The following YIF1B variants were observed in gnomAD, a reference collection of about 807,000 sequenced individuals.
The protein encoded by YIF1B is Yip1 interacting factor homolog B, membrane trafficking protein.
Under a neutral mutation model 34.6 loss-of-function variants are expected in YIF1B, and 24 were observed. The ratio of observed to expected loss-of-function variants is 0.69; its 90% CI spans 0.50 to 0.98. The LOEUF (loss-of-function observed/expected upper bound fraction) is 0.98. YIF1B is among the 50% of genes least tolerant of loss of function. The pLI is 0.00. For synonymous variants in YIF1B, 186 were observed against 184.8 expected (o/e 1.01, Z -0.05); for missense variants, 368 against 429.4 (o/e 0.86, Z 1.26).
In YIF1B at chr19:38,307,739, G is replaced by A; in HGVS notation, c.553C>T (p.Leu185Phe). 2 of 1,612,822 alleles carry A rather than the reference G, an allele frequency of 1.2e-6. No individual in the cohort carries two copies. Among genetic ancestry groups the A allele is most frequent in the Non-Finnish European group, 1.7e-6 (2 of 1,179,878 alleles). ...GCTGAGCTCGCTTGCAGCCCCAGGA[G>A]GTCTGGGGAGAACCTGCAGGCACAA... ...LGTQDRFSPDLLGLQASSALA... is the reference protein window; with the variant it reads ...LGTQDRFSPDFLGLQASSALA... Residue 185 changes from leucine (L) to phenylalanine (F), a missense_variant, in exon 6 of 8, where the codon CTC (leucine) becomes TTC (phenylalanine). Physicochemically the swap from Leu to Phe is conservative, Grantham distance 22. Coordinates refer to ENST00000339413, the MANE Select transcript of YIF1B (RefSeq NM_001039672.3).
intron 1 of YIF1B, among the ~76,000 whole-genome samples, chr19:38,311,472 A>G (rs1969324581): frequency 6.6e-6 from 1 of 152,216 alleles, no homozygotes; most frequent in South Asian, 2.1e-4. Flanking sequence ...AACTCATCTC[A>G]TCTTCACAAC....
Position 38,304,229 on chromosome 19 carries a change from C to A in YIF1B, c.*1123G>T, listed in dbSNP as rs757770006. 1 of 1,613,122 alleles carries A rather than the reference C, an allele frequency of 6.2e-7. No individual in the cohort carries two copies. Among genetic ancestry groups the A allele is most frequent in the Admixed American group, 1.7e-5 (1 of 60,002 alleles). ...CCGCTCCTCTGCAGGGCCCAGGCGC[C>A]CTTGGCCTTAGGACCCAACTTCTCT... On this transcript the variant is annotated 3_prime_UTR_variant, in exon 8 of 8. Coordinates refer to ENST00000339413, the MANE Select transcript of YIF1B (RefSeq NM_001039672.3).
rs113897835 is a variant in YIF1B, at chr19:38,305,310, C to T, written c.*42G>A. The T allele has an allele frequency of 6.3e-7, 1 of 1,583,622 alleles. No individual in the cohort carries two copies. The highest frequency in any genetic ancestry group is 8.6e-7 in the Non-Finnish European group (1 of 1,162,496). On this transcript the variant is annotated 3_prime_UTR_variant, in exon 8 of 8. Coordinates refer to ENST00000339413, the MANE Select transcript of YIF1B (RefSeq NM_001039672.3). ...AGATGAGTTCGGCGGCCACAGTGGC[C>T]CCCAGCAGCAGCAGCAGCAGCGGGA...
chr19:38,308,949 G>A (rs1969185717), intron 4 of YIF1B, 30 bp downstream of exon 4: 1 of 1,611,924 alleles, frequency 6.2e-7, no homozygotes, highest in Non-Finnish European at 8.5e-7. Flanking sequence ...GGAAGAGAGA[G>A]GAGGGTGCAG....
intron 1 of YIF1B, among the ~76,000 whole-genome samples, chr19:38,315,102 G>A (rs990628601): frequency 1.3e-5 from 2 of 151,956 alleles, no homozygotes; most frequent in Non-Finnish European, 1.5e-5. Context: ...ATACCACCCC[G>A]GGCGTGGTGG....
At chr19:38,309,702 C>T (rs767254147) in intron 1 of YIF1B, 59 bp from the exon 2 acceptor site, 260 of 1,541,092 alleles carry the variant, frequency 1.7e-4, no homozygotes, top group Middle Eastern at 7.1e-4. Context: ...GGAGACCTGG[C>T]GAACCTCATT....
Position 38,304,382 on chromosome 19 carries a change from G to A in YIF1B, c.*970C>T. 6.3e-7 allele frequency: 1 copy of A among 1,584,394 alleles called. No homozygotes were observed. Among genetic ancestry groups the A allele is most frequent in the Non-Finnish European group, 8.6e-7 (1 of 1,166,236 alleles). On this transcript the variant is annotated 3_prime_UTR_variant, in exon 8 of 8. Coordinates refer to ENST00000339413, the MANE Select transcript of YIF1B (RefSeq NM_001039672.3). ...CCCAACTTCTCTCCACAGCCCTGGA[G>A]CCCACCTCCCAGAAGCCCGGTGTGG...
chr19:38,315,935 T>C lies in YIF1B; in HGVS notation c.-18A>G. ...GGGTGCATCCTTCGCCGCCGCCACC[T>C]AAGCCGCGGTTCGGAGCGTGCCCGC... is the stretch of plus-strand genomic sequence containing the variant. On this transcript the variant is annotated 5_prime_UTR_variant, in exon 1 of 8. Transcript: ENST00000339413. 1 of 1,437,114 alleles carries C rather than the reference T, an allele frequency of 7.0e-7. No homozygotes were observed. 89.0% of individuals were successfully genotyped at this position (1,437,114 alleles called of 1,614,324 possible).
In YIF1B at chr19:38,304,771, G is replaced by A. The variant is rs2146290570; in HGVS notation, c.*581C>T. 2 of 1,612,034 alleles carry A rather than the reference G, an allele frequency of 1.2e-6. No homozygotes were observed. Among genetic ancestry groups the A allele is most frequent in the South Asian group, 1.1e-5 (1 of 91,024 alleles). On this transcript the variant is annotated 3_prime_UTR_variant, in exon 8 of 8. Coordinates refer to ENST00000339413, the MANE Select transcript of YIF1B (RefSeq NM_001039672.3). Reference sequence around the variant, plus strand: ...GCACTGGGGCTGGCGGGGAGGGTGCGGGGAGTGGTCCCCCTGTCTCGCTTC... The same window carrying A: ...GCACTGGGGCTGGCGGGGAGGGTGCAGGGAGTGGTCCCCCTGTCTCGCTTC...
rs1490437552 is a variant in YIF1B, at chr19:38,314,180, C to T, written c.58+1680G>A. ...AGCTGGAATTACAGGTGCGCGCCAC[C>T]ACGCCCGGCTAATTTTTTTTTTTTT... is the stretch of plus-strand genomic sequence containing the variant. On this transcript the variant is annotated intron_variant, in intron 1 of 7. Coordinates refer to ENST00000339413, the MANE Select transcript of YIF1B (RefSeq NM_001039672.3). Among the ~76,000 whole-genome samples, 3 of 151,004 alleles carry T rather than the reference C, an allele frequency of 2.0e-5. No homozygotes were observed. The East Asian group carries it at 5.8e-4, about 29-fold the overall frequency.
intron 1 of YIF1B, among the ~76,000 whole-genome samples, chr19:38,311,312 A>C (rs1051591814): frequency 6.6e-6 from 1 of 152,016 alleles, no homozygotes; most frequent in African/African-American, 2.4e-5. Flanking sequence ...AAAACAAAAA[A>C]CAGAATAAAT....
At chr19:38,313,556 G>T (rs1211857920) in intron 1 of YIF1B, among the ~76,000 whole-genome samples, 1 of 152,088 alleles carries the variant, frequency 6.6e-6, no homozygotes, top group Non-Finnish European at 1.5e-5. Flanking sequence ...ACCTAACCCG[G>T]CCCAGAGTGA....
chr19:38,321,356 C>T (rs1028173841), upstream of YIF1B, among the ~76,000 whole-genome samples: 3 of 152,214 alleles, frequency 2.0e-5, no homozygotes, highest in African/African-American at 7.2e-5. Context: ...GGTACCCCAC[C>T]CCATCTTGAC....
chr19:38,304,337 G>T lies in YIF1B; in HGVS notation c.*1015C>A. 2 of 1,611,054 alleles carry T rather than the reference G, an allele frequency of 1.2e-6. No individual in the cohort carries two copies. Among genetic ancestry groups the T allele is most frequent in the Non-Finnish European group, 1.7e-6 (2 of 1,179,234 alleles). Reference sequence around the variant, plus strand: ...GTGCAGGGGGCCGGACTCAAGCCCAGAAGCTGCCTGCACCAACCACCCAAC... The same window carrying T: ...GTGCAGGGGGCCGGACTCAAGCCCATAAGCTGCCTGCACCAACCACCCAAC... On this transcript the variant is annotated 3_prime_UTR_variant, in exon 8 of 8. Coordinates refer to ENST00000339413, the MANE Select transcript of YIF1B (RefSeq NM_001039672.3).
upstream of YIF1B, chr19:38,320,100 C>A: frequency 6.4e-7 from 1 of 1,560,652 alleles, no homozygotes; most frequent in Non-Finnish European, 8.6e-7. Flanking sequence ...TGCTTCAGCG[C>A]AGCCCGTGTG....
At position 38,305,049 on chromosome 19, in the gene YIF1B, TCCCTGCC is replaced by T. The variant is rs1257892041; in HGVS notation, c.*296_*302del. The T allele has an allele frequency of 2.6e-6, 4 of 1,537,676 alleles. No individual in the cohort carries two copies. Among genetic ancestry groups the T allele is most frequent in the African/African-American group, 1.4e-5 (1 of 72,586 alleles). ...GTGCCTACTCTGGCCCGTCCCCAGCTCCCTGCCCCCTGCCCAGCGCTGGGCCCGCCCA... is the reference window on the plus strand; with the variant it reads ...GTGCCTACTCTGGCCCGTCCCCAGCTCCCTGCCCAGCGCTGGGCCCGCCCA... On this transcript the variant is annotated 3_prime_UTR_variant, in exon 8 of 8. Coordinates refer to ENST00000339413, the MANE Select transcript of YIF1B (RefSeq NM_001039672.3).
upstream of YIF1B, chr19:38,320,318 A>G (rs757851567): frequency 1.5e-5 from 24 of 1,594,128 alleles, no homozygotes; most frequent in Non-Finnish European, 2.0e-5. Context: ...CGGGATCCCC[A>G]CTTCATCCTT....
At chr19:38,314,551 C>T (rs1168042709) in intron 1 of YIF1B, among the ~76,000 whole-genome samples, 1 of 150,032 alleles carries the variant, frequency 6.7e-6, no homozygotes, top group Non-Finnish European at 1.5e-5. Flanking sequence ...GGCTGGTTGG[C>T]TGGGCACCGT....
rs966014620 is a variant in YIF1B at position 38,304,551 on chromosome 19, G to C, written c.*801C>G. 6.3e-7 allele frequency: 1 copy of C among 1,595,840 alleles called. No individual in the cohort carries two copies. ...AAGGCTGGGGTTGCCCCTGACCCCA[G>C]GGTCCTGCCTTAGGCCTCCAACTTC... On this transcript the variant is annotated 3_prime_UTR_variant, in exon 8 of 8. Transcript: ENST00000339413.
Sources: allele counts gnomAD v4.1 joint callset (sites outside exome capture counted in the v4.1 genomes callset), GRCh38; gene constraint gnomAD v4.1.1; transcripts MANE v1.5; gene names NCBI Gene and HGNC (gene_info 2026-07-23, HGNC 2026-07-21).